The following CFAP70 variants were observed in gnomAD, a reference collection of about 807,000 sequenced individuals.
The protein encoded by CFAP70 is cilia and flagella associated protein 70.
Under a neutral mutation model 137.6 loss-of-function variants are expected in CFAP70, and 81 were observed. The observed-to-expected ratio is 0.59, with a 90% CI of 0.49 to 0.71. The LOEUF is 0.71. Among genes scored for constraint, CFAP70 ranks in the 30% least tolerant of loss-of-function variants. The pLI, the probability that CFAP70 is intolerant of heterozygous loss-of-function variation, is 0.00. For synonymous variants in CFAP70, 382 were observed against 423.6 expected, an observed-to-expected ratio of 0.90 and a Z score of 1.20; for missense variants, 976 against 1,226.7, an observed-to-expected ratio of 0.80 and a Z score of 3.05.
rs148437048 is a variant in CFAP70, at chr10:73,280,990, T to C, written c.2240-2653A>G. ...GTTCTAGCTTCTTAAGGTAGAATCT[T>C]AGATCATTGATTTTAGACTTCTCTT... On this transcript the variant is annotated intron_variant, in intron 19 of 26. Coordinates refer to ENST00000310715, the Ensembl canonical transcript of CFAP70. Among the ~76,000 whole-genome samples the C allele has an allele frequency of 3.1e-3, 473 of 152,314 alleles. 1 individual carries two copies. The highest frequency in any genetic ancestry group is 5.5e-3 in the Non-Finnish European group (373 of 68,028).
chr10:73,285,925 A>G (rs2047669175), intron 19 of CFAP70, among the ~76,000 whole-genome samples: 1 of 152,030 alleles, frequency 6.6e-6, no homozygotes, highest in East Asian at 2.0e-4. Context: ...ATGAGCCACC[A>G]TTCCAGGCCT....
At chr10:73,260,069 A>G (rs1341769661) in intron 25 of CFAP70, among the ~76,000 whole-genome samples, 1 of 151,494 alleles carries the variant, frequency 6.6e-6, no homozygotes, top group Admixed American at 6.6e-5. Flanking sequence ...TTAGATTGTT[A>G]GGGCTGGGCA....
chr10:73,277,122 C>T, intron 21 of CFAP70, 118 bp downstream of exon 22: 1 of 1,318,858 alleles, frequency 7.6e-7, no homozygotes, highest in Non-Finnish European at 1.0e-6. Context: ...AGTATGCTCT[C>T]AAAAGCATAT....
rs768244655 is a variant in CFAP70, at chr10:73,310,307, A to G, written c.1165-58T>C. On this transcript the variant is annotated intron_variant, in intron 11 of 26. Coordinates refer to ENST00000310715, the Ensembl canonical transcript of CFAP70. ...AAAAAAATATATTTATGAAAAATTT[A>G]GTAACATAAGATGATGCTCACAATA... is the stretch of plus-strand genomic sequence containing the variant. The G allele has an allele frequency of 2.5e-5, 30 of 1,213,446 alleles. No individual in the cohort carries two copies. In the East Asian group the frequency reaches 7.0e-4, roughly 28 times the overall value. The allele number at this position is 1,213,446 out of a possible 1,614,324, so 75.2% of individuals were successfully genotyped here.
At chr10:73,345,981 C>G (rs2053667303) in intron 4 of CFAP70, among the ~76,000 whole-genome samples, 2 of 151,368 alleles carry the variant, frequency 1.3e-5, no homozygotes, top group South Asian at 4.2e-4. Context: ...CTCACTGCAA[C>G]CCCGCCTCCT....
Position 73,341,614 on chromosome 10 carries a change from T to C in CFAP70, c.400-33A>G, listed in dbSNP as rs1360511226. The C allele has an allele frequency of 3.2e-6, 5 of 1,574,770 alleles. 1 individual carries two copies. The highest frequency in any genetic ancestry group is 4.5e-5 in the East Asian group (2 of 44,712). ...AATAGATACCATATGTCAGGAAAAT[T>C]TGTAAAGGACTTTGAAATGGACAAG... is the stretch of plus-strand genomic sequence containing the variant. On this transcript the variant is annotated intron_variant, in intron 5 of 26. Transcript: ENST00000310715.
At chr10:73,330,205 A>G (rs1044327326) in intron 8 of CFAP70, among the ~76,000 whole-genome samples, 1 of 152,098 alleles carries the variant, frequency 6.6e-6, no homozygotes, top group African/African-American at 2.4e-5. Flanking sequence ...TAATCCCAGC[A>G]CTTTGGGAGG....
upstream of CFAP70, among the ~76,000 whole-genome samples, chr10:73,359,081 T>C (rs2054897129): frequency 6.6e-6 from 1 of 152,234 alleles, no homozygotes; most frequent in Non-Finnish European, 1.5e-5. Flanking sequence ...TTTGAAAACA[T>C]CATTTAAATA....
chr10:73,265,435 A>G (rs902802335), intron 25 of CFAP70, among the ~76,000 whole-genome samples: 4 of 152,136 alleles, frequency 2.6e-5, no homozygotes, highest in Non-Finnish European at 5.9e-5. Flanking sequence ...ACTTAATAAT[A>G]TAAACTGAAA....
intron 23 of CFAP70, 29 bp from the exon 25 acceptor site, chr10:73,273,046 T>C (rs761467637): frequency 6.6e-7 from 1 of 1,513,522 alleles, no homozygotes; most frequent in East Asian, 2.5e-5. Flanking sequence ...ACTAAGCTAC[T>C]GTTCTAGAAG....
chr10:73,276,477 T>C (rs2046748830), intron 21 of CFAP70: 1 of 152,186 alleles, frequency 6.6e-6, no homozygotes, highest in African/African-American at 2.4e-5. Flanking sequence ...GCTAATGACT[T>C]ATTTAGCTGT....
chr10:73,269,320 T>G (rs1023578099), intron 25 of CFAP70, among the ~76,000 whole-genome samples: 4 of 152,196 alleles, frequency 2.6e-5, no homozygotes, highest in Admixed American at 1.3e-4. Context: ...TCAGAAACAC[T>G]AGTAGAACAT....
intron 8 of CFAP70, among the ~76,000 whole-genome samples, chr10:73,323,332 G>GC (rs2051057622): frequency 9.5e-6 from 1 of 105,010 alleles, no homozygotes; most frequent in South Asian, 3.5e-4. Flanking sequence ...TGGCGGGGGC[G>GC]GGGGGGGGGC....
chr10:73,337,392 G>C (rs927642868), intron 6 of CFAP70, among the ~76,000 whole-genome samples: 1 of 152,220 alleles, frequency 6.6e-6, no homozygotes, highest in Admixed American at 6.5e-5. Flanking sequence ...GCTGAGGCAT[G>C]AGAATAGCTT....
At chr10:73,284,803 TAA>T (rs1415708084) in intron 19 of CFAP70, among the ~76,000 whole-genome samples, 8 of 94,688 alleles carry the variant, frequency 8.4e-5, no homozygotes, top group Admixed American at 2.6e-4. Flanking sequence ...TATATATATA[TAA>T]AAGTTGTTTT....
chr10:73,354,879 TGCA>T (rs752997354), intron 1 of CFAP70, 44 bp from the exon 2 acceptor site: 84 of 1,146,440 alleles, frequency 7.3e-5, no homozygotes, highest in Non-Finnish European at 1.1e-4. Context: ...GTACCACAGC[TGCA>T]CAAGTACCCA....
At chr10:73,278,459 G>A (rs897506588) in intron 19 of CFAP70, 122 bp from the exon 21 acceptor site, 2 of 743,332 alleles carry the variant, frequency 2.7e-6, no homozygotes, top group East Asian at 2.8e-5. Flanking sequence ...ATGAAGGACA[G>A]ACTTGTTTGG....
intron 6 of CFAP70, among the ~76,000 whole-genome samples, chr10:73,339,126 C>T (rs2052995121): frequency 6.6e-6 from 1 of 151,790 alleles, no homozygotes; most frequent in African/African-American, 2.4e-5. Context: ...ATCATGTTGG[C>T]CAGGCTAATC....
rs201349171 is a variant in CFAP70, at chr10:73,269,662, G to A, written c.2979C>T (p.Asn993=). The change falls in exon 25 of 27, where the codon AAC becomes AAT. Residue 993 remains asparagine (N), a synonymous_variant. Coordinates refer to ENST00000310715, the Ensembl canonical transcript of CFAP70. Reference sequence around the variant, plus strand: ...ATGCCCATACTTCAGCATTGTAGTTGTTCAATGCATTGGCTTCAGAAAGAG... The same window carrying A: ...ATGCCCATACTTCAGCATTGTAGTTATTCAATGCATTGGCTTCAGAAAGAG... 6.1e-5 allele frequency: 99 copies of A among 1,613,666 alleles called. 1 individual carries two copies. The East Asian group carries it at 8.2e-4, about 13-fold the overall frequency.
Sources: allele counts gnomAD v4.1 joint callset (sites outside exome capture counted in the v4.1 genomes callset), GRCh38; gene constraint gnomAD v4.1.1; transcripts MANE v1.5; gene names NCBI Gene and HGNC (gene_info 2026-07-23, HGNC 2026-07-21).